Variants in SORCS3 observed in about 807,000 individuals in gnomAD.
SORCS3 encodes sortilin related VPS10 domain containing receptor 3.
Under a neutral mutation model 146.3 loss-of-function variants are expected in SORCS3, and 57 were observed. The ratio of observed to expected loss-of-function variants is 0.39; its 90% CI spans 0.31 to 0.49. The LOEUF (loss-of-function observed/expected upper bound fraction) is 0.49. Ranked by LOEUF, SORCS3 falls within the 20% of genes least tolerant of loss-of-function variation. The probability of loss-of-function intolerance (pLI) is 0.92; values close to 1 mark genes in which losing one functional copy is unlikely to be tolerated. For missense variants in SORCS3, 1,341 were observed against 1,575.5 expected (o/e 0.85, Z 2.52); for synonymous variants, 653 against 618.5 (o/e 1.06, Z -0.83).
chr10:104,642,121 A>G (rs2015428793), intron 1 of SORCS3, among the ~76,000 whole-genome samples, 167 bp downstream of exon 1: 1 of 152,028 alleles, frequency 6.6e-6, no homozygotes, highest in South Asian at 2.1e-4. Context: ...CCAACAGGTT[A>G]ACGGAGTTTG....
intron 7 of SORCS3, among the ~76,000 whole-genome samples, chr10:105,108,336 C>A (rs1451282060): frequency 6.6e-6 from 1 of 152,126 alleles, no homozygotes; most frequent in African/African-American, 2.4e-5. Flanking sequence ...GGAGCAGTTG[C>A]AGCTGAGTGT....
At chr10:105,105,920 A>G (rs149329284) in intron 7 of SORCS3, among the ~76,000 whole-genome samples, 2 of 152,164 alleles carry the variant, frequency 1.3e-5, no homozygotes, top group East Asian at 1.9e-4. Flanking sequence ...GGAAATACCT[A>G]CTACTCACTA....
intron 12 of SORCS3, among the ~76,000 whole-genome samples, chr10:105,165,901 A>G (rs2056308907): frequency 6.6e-6 from 1 of 152,130 alleles, no homozygotes; most frequent in Admixed American, 6.6e-5. Flanking sequence ...AATTAAGAGG[A>G]AAGGATAAGG....
chr10:104,867,371 G>A (rs1383959006), intron 2 of SORCS3, among the ~76,000 whole-genome samples: 2 of 150,920 alleles, frequency 1.3e-5, no homozygotes, highest in Non-Finnish European at 2.9e-5. Flanking sequence ...GTGCAGTGGC[G>A]AGATCTCGGC....
At chr10:104,846,496 C>T in intron 2 of SORCS3, among the ~76,000 whole-genome samples, 1 of 152,100 alleles carries the variant, frequency 6.6e-6, no homozygotes, top group East Asian at 1.9e-4. Context: ...ATCAAGAAGC[C>T]TGGAACAGCA....
chr10:104,840,372 A>T (rs1185395354), intron 1 of SORCS3, among the ~76,000 whole-genome samples: 1 of 152,044 alleles, frequency 6.6e-6, no homozygotes, highest in Non-Finnish European at 1.5e-5. Context: ...ACCCTTAGGA[A>T]TCCTTCCCTG....
chr10:105,076,803 T>C (rs116858724), intron 5 of SORCS3, among the ~76,000 whole-genome samples: 1 of 152,332 alleles, frequency 6.6e-6, no homozygotes, highest in East Asian at 1.9e-4. Flanking sequence ...TCAGTAGGTA[T>C]TTGCCAAGCG....
At chr10:104,987,976 G>A (rs1267307943) in intron 4 of SORCS3, among the ~76,000 whole-genome samples, 2 of 152,134 alleles carry the variant, frequency 1.3e-5, no homozygotes. Context: ...GCTGCTCCTT[G>A]GAAATAGAGA....
intron 2 of SORCS3, among the ~76,000 whole-genome samples, chr10:104,861,764 C>T (rs1469683861): frequency 6.6e-6 from 1 of 152,220 alleles, no homozygotes; most frequent in East Asian, 1.9e-4. Context: ...GCCACCATAA[C>T]GCAGTAACAC....
At chr10:104,797,406 G>C (rs946136378) in intron 1 of SORCS3, among the ~76,000 whole-genome samples, 2 of 152,088 alleles carry the variant, frequency 1.3e-5, no homozygotes, top group African/African-American at 4.8e-5. Flanking sequence ...AGCCACATTT[G>C]CCATTGGTTT....
intron 3 of SORCS3, among the ~76,000 whole-genome samples, chr10:104,960,258 G>A (rs1450079119): frequency 6.6e-6 from 1 of 152,104 alleles, no homozygotes; most frequent in East Asian, 1.9e-4. Flanking sequence ...TTTTCCTCAC[G>A]ATAACTTGAA....
At chr10:104,797,601 T>A (rs1162440973) in intron 1 of SORCS3, among the ~76,000 whole-genome samples, 1 of 152,190 alleles carries the variant, frequency 6.6e-6, no homozygotes, top group Non-Finnish European at 1.5e-5. Context: ...ATTTATTTCA[T>A]CTAATCTTTA....
chr10:104,725,774 C>T (rs920962037), intron 1 of SORCS3, among the ~76,000 whole-genome samples: 1 of 152,230 alleles, frequency 6.6e-6, no homozygotes, highest in Non-Finnish European at 1.5e-5. Flanking sequence ...ACCCGCTGAG[C>T]CATGCGCGGG....
chr10:104,736,931 T>G (rs1364415187), intron 1 of SORCS3, among the ~76,000 whole-genome samples: 3 of 145,412 alleles, frequency 2.1e-5, no homozygotes, highest in Non-Finnish European at 4.5e-5. Flanking sequence ...TCCCTCCCCC[T>G]TCCCCCACCC....
chr10:105,251,849 G>A (rs189532384), intron 22 of SORCS3, among the ~76,000 whole-genome samples: 13 of 152,148 alleles, frequency 8.5e-5, no homozygotes, highest in Admixed American at 6.5e-4. Context: ...CGTATTCTCA[G>A]CCTCTTAACC....
intron 4 of SORCS3, among the ~76,000 whole-genome samples, chr10:105,040,181 A>G (rs2055330288): frequency 6.6e-6 from 1 of 152,222 alleles, no homozygotes; most frequent in African/African-American, 2.4e-5. Flanking sequence ...TCTTTGCAAT[A>G]AAATATATGG....
intron 1 of SORCS3, among the ~76,000 whole-genome samples, chr10:104,781,417 A>T (rs966419630): frequency 6.6e-6 from 1 of 152,142 alleles, no homozygotes. Flanking sequence ...TTTCACATCA[A>T]TCACCTCCTT....
At chr10:104,962,926 G>T (rs1252103967) in intron 3 of SORCS3, among the ~76,000 whole-genome samples, 1 of 152,214 alleles carries the variant, frequency 6.6e-6, no homozygotes, top group Non-Finnish European at 1.5e-5. Context: ...AAATTGAGAT[G>T]ATGCTTCATG....
chr10:104,720,107 C>T (rs2016528423), intron 1 of SORCS3, among the ~76,000 whole-genome samples: 1 of 152,076 alleles, frequency 6.6e-6, no homozygotes, highest in Admixed American at 6.5e-5. Flanking sequence ...GGTATATCTC[C>T]TAATCCTATC....
Sources: allele counts gnomAD v4.1 joint callset (sites outside exome capture counted in the v4.1 genomes callset), GRCh38; gene constraint gnomAD v4.1.1; transcripts MANE v1.5; gene names NCBI Gene and HGNC (gene_info 2026-07-23, HGNC 2026-07-21).